TTC6: variants seen among roughly 807,000 people sequenced by gnomAD.
TTC6 encodes the protein tetratricopeptide repeat protein 6.
TTC6 carries 172 observed loss-of-function variants against 210.4 expected under a neutral mutation model. The ratio of observed to expected loss-of-function variants is 0.82; its 90% CI spans 0.72 to 0.93. The LOEUF (loss-of-function observed/expected upper bound fraction) is 0.93, where lower values mean the gene tolerates loss of function less well. TTC6 is among the 40% of genes least tolerant of loss of function. TTC6 has a pLI of 0.00. For missense variants in TTC6, 2,414 were observed against 2,318.1 expected (o/e 1.04, Z -0.85); for synonymous variants, 804 against 819.6 (o/e 0.98, Z 0.32).
At chr14:37,821,772 C>CTTTTTTTTTTTT (rs35078384) in intron 26 of TTC6, among the ~76,000 whole-genome samples, 3 of 69,160 alleles carry the variant, frequency 4.3e-5, no homozygotes, top group Non-Finnish European at 7.8e-5. Context: ...AAGAGCTAGT[C>CTTTTTTTTTTTT]TTTTTTTTTT....
chr14:37,727,346 T>C (rs1217936157), intron 7 of TTC6, among the ~76,000 whole-genome samples: 1 of 140,848 alleles, frequency 7.1e-6, no homozygotes, highest in Non-Finnish European at 1.5e-5. Context: ...CAGGCTGGAG[T>C]GCAGTGGTGC....
intron 1 of TTC6, among the ~76,000 whole-genome samples, chr14:37,672,542 A>T (rs929110331): frequency 1.3e-5 from 2 of 152,180 alleles, no homozygotes; most frequent in African/African-American, 2.4e-5. Context: ...ATAGCTTGTC[A>T]TAACTCACTC....
intron 3 of TTC6, among the ~76,000 whole-genome samples, chr14:37,686,968 G>A (rs1348414414): frequency 6.6e-6 from 1 of 152,156 alleles, no homozygotes; most frequent in Non-Finnish European, 1.5e-5. Flanking sequence ...GTCTGGAGAA[G>A]GTGGAGCAAG....
chr14:37,766,758 C>T (rs1469715812), intron 14 of TTC6, among the ~76,000 whole-genome samples: 2 of 152,042 alleles, frequency 1.3e-5, no homozygotes, highest in African/African-American at 4.8e-5. Context: ...AATGGTAATT[C>T]TGCTTTGAGT....
upstream of TTC6, among the ~76,000 whole-genome samples, chr14:37,619,921 GAT>G (rs2095648630): frequency 6.6e-6 from 1 of 151,902 alleles, no homozygotes; most frequent in African/African-American, 2.4e-5. Flanking sequence ...GGGAAGACCT[GAT>G]ATAATTAAAA....
chr14:37,726,556 C>A (rs2138846923), intron 7 of TTC6, among the ~76,000 whole-genome samples: 1 of 152,054 alleles, frequency 6.6e-6, no homozygotes, highest in Non-Finnish European at 1.5e-5. Context: ...GGTGAAATAT[C>A]TGTGTAGTGT....
At chr14:37,611,224 C>G (rs1002172036) in intron 2 of TTC6, 13 of 152,220 alleles carry the variant, frequency 8.5e-5, no homozygotes, top group Admixed American at 7.2e-4. Flanking sequence ...GCTGGGCGAC[C>G]GAGCGCGTCC....
intron 3 of TTC6, among the ~76,000 whole-genome samples, chr14:37,689,734 C>A (rs1199157463): frequency 1.3e-5 from 2 of 151,908 alleles, no homozygotes; most frequent in Non-Finnish European, 2.9e-5. Flanking sequence ...ATCCTTCAGA[C>A]ATGAAGGAGA....
chr14:37,680,917 C>T (rs1161126269), intron 2 of TTC6, among the ~76,000 whole-genome samples: 1 of 152,102 alleles, frequency 6.6e-6, no homozygotes, highest in East Asian at 1.9e-4. Flanking sequence ...AAATCGTGAT[C>T]ATATTTCATT....
intron 10 of TTC6, among the ~76,000 whole-genome samples, chr14:37,740,162 C>CAA (rs71127237): frequency 0.84 from 108,960 of 129,404 alleles, 48,587 homozygotes; most frequent in East Asian, 0.98. Context: ...GACTCCGTCT[C>CAA]AAAAAAAAAA....
At chr14:37,655,841 T>A (rs939392245) in intron 1 of TTC6, among the ~76,000 whole-genome samples, 2 of 152,128 alleles carry the variant, frequency 1.3e-5, no homozygotes, top group Non-Finnish European at 2.9e-5. Flanking sequence ...GCTACACATC[T>A]TTAGACTTTT....
chr14:37,628,528 T>G (rs537197431), intron 1 of TTC6, among the ~76,000 whole-genome samples: 1 of 152,310 alleles, frequency 6.6e-6, no homozygotes, highest in Admixed American at 6.5e-5. Context: ...ATGGATAGAT[T>G]GCAAAAATTT....
At chr14:37,785,743 C>T (rs1851199605) in intron 14 of TTC6, among the ~76,000 whole-genome samples, 1 of 152,176 alleles carries the variant, frequency 6.6e-6, no homozygotes, top group Non-Finnish European at 1.5e-5. Flanking sequence ...TGGTTTATCC[C>T]CATATTTTTG....
intron 27 of TTC6, among the ~76,000 whole-genome samples, chr14:37,824,164 G>A (rs2096164949): frequency 6.6e-6 from 1 of 152,114 alleles, no homozygotes; most frequent in Non-Finnish European, 1.5e-5. Context: ...TGGGGAGCTG[G>A]TAGGCTGGTT....
intron 4 of TTC6, among the ~76,000 whole-genome samples, chr14:37,697,199 TAAAATA>T (rs1436646625): frequency 6.6e-6 from 1 of 152,072 alleles, no homozygotes; most frequent in African/African-American, 2.4e-5. Flanking sequence ...TTTTTTATGA[TAAAATA>T]AAAAACAAGC....
chr14:37,830,743 A>G (rs2096182714), intron 29 of TTC6, among the ~76,000 whole-genome samples: 1 of 68,306 alleles, frequency 1.5e-5, no homozygotes, highest in South Asian at 1.0e-3. Flanking sequence ...ATTTTTTTCT[A>G]AAATAGATTT....
intron 2 of TTC6, among the ~76,000 whole-genome samples, chr14:37,608,802 T>G (rs1353636566): frequency 6.6e-6 from 1 of 152,116 alleles, no homozygotes; most frequent in Non-Finnish European, 1.5e-5. Flanking sequence ...ATCAAAGGTG[T>G]GGGAGCTGGA....
At chr14:37,794,766 T>A (rs2139355478) in intron 17 of TTC6, among the ~76,000 whole-genome samples, 1 of 152,236 alleles carries the variant, frequency 6.6e-6, no homozygotes, top group African/African-American at 2.4e-5. Flanking sequence ...TTATTGTTTT[T>A]GTCTAGATGG....
chr14:37,675,201 C>T (rs923247392), intron 1 of TTC6, among the ~76,000 whole-genome samples: 2 of 152,074 alleles, frequency 1.3e-5, no homozygotes, highest in African/African-American at 4.8e-5. Flanking sequence ...AAAGGATACA[C>T]TATACATGTT....
Sources: allele counts gnomAD v4.1 joint callset (sites outside exome capture counted in the v4.1 genomes callset), GRCh38; gene constraint gnomAD v4.1.1; transcripts MANE v1.5; gene names NCBI Gene and HGNC (gene_info 2026-07-23, HGNC 2026-07-21).